Variants in KDM6A observed in about 807,000 individuals in gnomAD.
KDM6A encodes the protein lysine-specific demethylase 6A.
KDM6A carries 11 observed loss-of-function variants against 117.6 expected under a neutral mutation model. That is an observed-to-expected ratio of 0.09 (90% CI 0.06 to 0.15). KDM6A has a LOEUF of 0.15. Ranked by LOEUF, KDM6A falls within the 10% of genes least tolerant of loss-of-function variation. The pLI, the probability that KDM6A is intolerant of heterozygous loss-of-function variation, is 1.00. For synonymous variants in KDM6A, 384 were observed against 396.1 expected (o/e 0.97, Z 0.36); for missense variants, 799 against 1,077.3 (o/e 0.74, Z 3.62).
At chrX:44,875,969 C>A (rs763913532) in intron 2 of KDM6A, among the ~76,000 whole-genome samples, 1 of 111,725 alleles carries the variant, frequency 9.0e-6, no homozygotes, top group Admixed American at 9.6e-5. Context: ...AAAAAGTAAC[C>A]ATTTTCAAAT....
chrX:44,889,001 A>G (rs915955459), intron 2 of KDM6A, among the ~76,000 whole-genome samples: 8 of 111,956 alleles, frequency 7.1e-5, no homozygotes, highest in Non-Finnish European at 1.5e-4. Flanking sequence ...TTTCTGATCT[A>G]TTGAAAGTAA....
At chrX:45,039,203 T>C (rs1397890210) in intron 8 of KDM6A, among the ~76,000 whole-genome samples, 1 of 110,703 alleles carries the variant, frequency 9.0e-6, no homozygotes, top group Non-Finnish European at 1.9e-5. Flanking sequence ...ATCTGCACTT[T>C]GCCTCCCCAT....
At chrX:45,019,114 T>C (rs763419911) in intron 5 of KDM6A, among the ~76,000 whole-genome samples, 13 of 111,367 alleles carry the variant, frequency 1.2e-4, no homozygotes, top group African/African-American at 3.9e-4. Context: ...TGATGCCTTT[T>C]CCAAACATGT....
rs2036732882 is a variant in KDM6A, at chrX:44,932,986, C to T, written c.226-28298C>T. ...CACTGCAACCTCTGCCTCCCGGGTT[C>T]AAGGGATTCTCCTGTCTCAGCCTCC... On this transcript the variant is annotated intron_variant, in intron 2 of 29. Coordinates refer to ENST00000611820, the MANE Select transcript of KDM6A (RefSeq NM_001291415.2). Among the ~76,000 whole-genome samples, 3 of 106,705 alleles carry T rather than the reference C, an allele frequency of 2.8e-5. No individual in the cohort carries two copies. In the Admixed American group the frequency reaches 3.1e-4, roughly 11 times the overall value. 92.7% of individuals were successfully genotyped at this position (106,705 alleles called of 115,157 possible).
chrX:45,060,867 G>T, intron 14 of KDM6A, 103 bp downstream of exon 14: 1 of 482,951 alleles, frequency 2.1e-6, no homozygotes. Context: ...TTAAATTTGT[G>T]GACATCAAAG....
At chrX:45,020,347 ACTGT>A (rs896853138) in intron 5 of KDM6A, among the ~76,000 whole-genome samples, 24 of 111,630 alleles carry the variant, frequency 2.1e-4, no homozygotes, top group African/African-American at 4.2e-4. Context: ...ACCATGAAAT[ACTGT>A]CTGTTTGAAT....
chrX:44,926,661 C>T (rs7053730), intron 2 of KDM6A, among the ~76,000 whole-genome samples: 24,304 of 110,956 alleles, frequency 0.22, 4,351 homozygotes, highest in African/African-American at 0.61. Context: ...GATATTGACA[C>T]TTTTTCTCCA....
At chrX:44,935,175 T>C (rs1424697284) in intron 2 of KDM6A, among the ~76,000 whole-genome samples, 1 of 111,954 alleles carries the variant, frequency 8.9e-6, no homozygotes, top group Non-Finnish European at 1.9e-5. Flanking sequence ...TGCATACATA[T>C]GTACACCTTA....
At chrX:45,106,693 A>G (rs765392736) in intron 27 of KDM6A, 1 of 334,653 alleles carries the variant, frequency 3.0e-6, no homozygotes, top group African/African-American at 2.7e-5. Flanking sequence ...ACAGAAAATT[A>G]TAGGAGAATC....
chrX:44,996,900 G>A (rs2040886314), intron 4 of KDM6A, among the ~76,000 whole-genome samples: 1 of 111,661 alleles, frequency 9.0e-6, no homozygotes, highest in Non-Finnish European at 1.9e-5. Flanking sequence ...CAAAAGATGT[G>A]AGTATTCATT....
rs1397080830 is a variant in KDM6A, at chrX:45,044,001, C to T, written c.654+6312C>T. On this transcript the variant is annotated intron_variant, in intron 8 of 29. Transcript: ENST00000611820. ...AACCTTTTCTATGTTTAGATATTTA[C>T]CATTGTATTGTAATTGTAGTATTCT... Among the ~76,000 whole-genome samples, 16 of 111,424 alleles carry T rather than the reference C, an allele frequency of 1.4e-4. No individual in the cohort carries two copies. The East Asian group carries it at 4.2e-3, about 29-fold the overall frequency.
At chrX:44,967,872 G>T (rs754229982) in intron 3 of KDM6A, among the ~76,000 whole-genome samples, 3 of 112,426 alleles carry the variant, frequency 2.7e-5, no homozygotes, top group Non-Finnish European at 5.6e-5. Flanking sequence ...CTGGTGATAT[G>T]AATGAAGAGT....
At chrX:45,018,304 G>C (rs1052579104) in intron 5 of KDM6A, among the ~76,000 whole-genome samples, 2 of 111,286 alleles carry the variant, frequency 1.8e-5, no homozygotes, top group Non-Finnish European at 3.8e-5. Context: ...AAAGAACAAC[G>C]AGGAGAACTT....
intron 2 of KDM6A, among the ~76,000 whole-genome samples, chrX:44,926,315 T>C (rs1010496718): frequency 1.1e-4 from 12 of 111,402 alleles, no homozygotes; most frequent in Admixed American, 3.8e-4. Context: ...TCAAGTGATA[T>C]GTTCGCCTCG....
chrX:44,965,805 C>T (rs1204545606), intron 3 of KDM6A, among the ~76,000 whole-genome samples: 1 of 112,309 alleles, frequency 8.9e-6, no homozygotes, highest in African/African-American at 3.2e-5. Flanking sequence ...GGAAAAATGA[C>T]ACCGATAGAC....
intron 17 of KDM6A, among the ~76,000 whole-genome samples, chrX:45,065,984 GAAAC>G (rs2044514135): frequency 9.0e-6 from 1 of 111,600 alleles, no homozygotes; most frequent in Non-Finnish European, 1.9e-5. Flanking sequence ...TTGGAGTAAG[GAAAC>G]TACAGGTTAC....
In KDM6A at chrX:44,916,883, C is replaced by T. The variant is rs1374170200; in HGVS notation, c.225+42896C>T. ...CTGATCTTGAACTCTTGGGCACAAG[C>T]GATCCTCCTGCCTCAGCCTCCCCAA... On this transcript the variant is annotated intron_variant, in intron 2 of 29. Transcript: ENST00000611820. Among the ~76,000 whole-genome samples, 4 of 110,473 alleles carry T rather than the reference C, an allele frequency of 3.6e-5. No homozygotes were observed. The East Asian group carries it at 8.5e-4, about 24-fold the overall frequency.
chrX:45,079,400 T>C, intron 21 of KDM6A, 49 bp downstream of exon 21: 1 of 963,885 alleles, frequency 1.0e-6, no homozygotes, highest in South Asian at 2.0e-5. Flanking sequence ...AAGATGATTT[T>C]ACTTTGGAGT....
rs1216833399 is a variant in KDM6A, at chrX:45,077,422, T to C, written c.2988+596T>C. Among the ~76,000 whole-genome samples, 3 of 111,696 alleles carry C rather than the reference T, an allele frequency of 2.7e-5. No homozygotes were observed. The Admixed American group carries it at 2.8e-4, about 11-fold the overall frequency. On this transcript the variant is annotated intron_variant, in intron 19 of 29. Transcript: ENST00000611820. Reference sequence around the variant, plus strand: ...TCTTCCTATCCTATTTCCTTTCATTTTCCTGCTTCTATCCCAAATTAAAAT... The same window carrying C: ...TCTTCCTATCCTATTTCCTTTCATTCTCCTGCTTCTATCCCAAATTAAAAT...
Sources: gnomAD v4.1 joint callset for allele counts (sites outside exome capture counted in the v4.1 genomes callset) on GRCh38, gnomAD v4.1.1 for gene constraint, MANE v1.5 for transcripts, NCBI Gene and HGNC (gene_info 2026-07-23, HGNC 2026-07-21) for gene names.